The following PLPPR5 variants were observed in gnomAD, a reference collection of about 807,000 sequenced individuals.
The protein encoded by PLPPR5 is phospholipid phosphatase-related protein type 5.
Under a neutral mutation model 33.9 loss-of-function variants are expected in PLPPR5, and 16 were observed. The observed-to-expected ratio is 0.47, with a 90% confidence interval of 0.32 to 0.72. The LOEUF (loss-of-function observed/expected upper bound fraction) is 0.72. Among genes scored for constraint, PLPPR5 ranks in the 30% least tolerant of loss-of-function variants. PLPPR5 has a pLI of 0.03. For missense variants in PLPPR5, 301 were observed against 406.7 expected (o/e 0.74, Z 2.23); for synonymous variants, 163 against 150.3 (o/e 1.08, Z -0.62).
chr1:98,944,778 C>A (rs1570720854), intron 3 of PLPPR5, among the ~76,000 whole-genome samples: 1 of 152,132 alleles, frequency 6.6e-6, no homozygotes. Context: ...GTACCTGGGC[C>A]ATGGATCCAG....
intron 5 of PLPPR5, among the ~76,000 whole-genome samples, chr1:98,899,658 G>GTTT (rs397967481): frequency 3.9e-4 from 40 of 103,338 alleles, no homozygotes; most frequent in African/African-American, 5.3e-4. Context: ...TATTTCACTT[G>GTTT]TTTTTTTTTT....
rs559613498 is a variant in PLPPR5 at position 99,002,175 on chromosome 1, G to A, written c.237+2260C>T. Among the ~76,000 whole-genome samples, 20 of 152,184 alleles carry A rather than the reference G, an allele frequency of 1.3e-4. No individual in the cohort carries two copies. The South Asian group carries it at 2.3e-3, about 17-fold the overall frequency. ...GTGACAGAGTGCACTATTCCTAGAA[G>A]CAGAAGGGAAAACAAATGCCAGCAG... On this transcript the variant is annotated intron_variant, in intron 1 of 5. Transcript: ENST00000263177.
At chr1:98,991,663 T>C (rs184545431) in intron 1 of PLPPR5, among the ~76,000 whole-genome samples, 1 of 143,144 alleles carries the variant, frequency 7.0e-6, no homozygotes, top group Admixed American at 6.9e-5. Flanking sequence ...TTGTTCCAAA[T>C]AACTTCAAAA....
chr1:98,890,921 A>C lies in PLPPR5; in HGVS notation c.*2151T>G, dbSNP rs1331270398. 1 of 152,208 alleles carries C rather than the reference A, an allele frequency of 6.6e-6. No homozygotes were observed. Among genetic ancestry groups the C allele is most frequent in the Non-Finnish European group, 1.5e-5 (1 of 68,028 alleles). 9.4% of individuals were successfully genotyped at this position (152,208 alleles called of 1,614,324 possible). On this transcript the variant is annotated 3_prime_UTR_variant, in exon 6 of 6. Coordinates refer to ENST00000263177, the MANE Select transcript of PLPPR5 (RefSeq NM_001037317.2). ...CAGGTTTAGCAAGGTGCAAAGAAGC[A>C]ACCTTGACATAAGAATATATGGCTA...
At chr1:98,902,857 G>A (rs898610790) in intron 5 of PLPPR5, among the ~76,000 whole-genome samples, 38 of 152,248 alleles carry the variant, frequency 2.5e-4, no homozygotes, top group Middle Eastern at 3.4e-3. Flanking sequence ...TAAATCAGAT[G>A]AGAAAGCTTC....
chr1:98,927,461 C>T (rs1449612451), intron 3 of PLPPR5, among the ~76,000 whole-genome samples: 1 of 152,206 alleles, frequency 6.6e-6, no homozygotes, highest in Non-Finnish European at 1.5e-5. Flanking sequence ...TGACTTGGTC[C>T]ATCTAGGCTC....
intron 4 of PLPPR5, among the ~76,000 whole-genome samples, chr1:98,917,235 C>T (rs1196283092): frequency 6.6e-6 from 1 of 152,182 alleles, no homozygotes; most frequent in African/African-American, 2.4e-5. Context: ...TGACCAGTTA[C>T]TGAATCTGCT....
chr1:98,902,494 A>G (rs1179751457), intron 5 of PLPPR5, among the ~76,000 whole-genome samples: 2 of 152,302 alleles, frequency 1.3e-5, no homozygotes, highest in Middle Eastern at 3.4e-3. Context: ...AATCAAAACT[A>G]TGAAAAATAA....
intron 1 of PLPPR5, among the ~76,000 whole-genome samples, chr1:98,979,712 C>A (rs955432938): frequency 1.3e-5 from 2 of 152,180 alleles, no homozygotes; most frequent in African/African-American, 4.8e-5. Flanking sequence ...GTGGGGCTGC[C>A]AAGCTCTGCA....
chr1:98,895,137 G>A (rs1036835114), intron 5 of PLPPR5, among the ~76,000 whole-genome samples: 2 of 152,068 alleles, frequency 1.3e-5, no homozygotes, highest in Admixed American at 6.6e-5. Flanking sequence ...TAAGGCAACA[G>A]TGTTGATAGG....
intron 1 of PLPPR5, among the ~76,000 whole-genome samples, chr1:98,999,995 G>A (rs1157044592): frequency 6.6e-6 from 1 of 152,088 alleles, no homozygotes; most frequent in Non-Finnish European, 1.5e-5. Context: ...AATCATCTAT[G>A]TTGCTCAGAG....
chr1:99,004,381 G>A (rs1034478504), intron 1 of PLPPR5, 54 bp downstream of exon 1: 1 of 1,470,518 alleles, frequency 6.8e-7, no homozygotes, highest in Non-Finnish European at 9.2e-7. Flanking sequence ...CAACCCCGAA[G>A]GCGAGGGGCG....
Position 98,953,058 on chromosome 1 carries a change from A to T in PLPPR5, c.621+12T>A. The T allele has an allele frequency of 3.1e-6, 5 of 1,613,474 alleles. No homozygotes were observed. Among genetic ancestry groups the T allele is most frequent in the Non-Finnish European group, 4.2e-6 (5 of 1,179,592 alleles). On this transcript the variant is annotated intron_variant, in intron 3 of 5. Transcript: ENST00000263177. ...TACAGACTAAGACAACAAATTTATA[A>T]TCCTTACTTACGGTCAGATACATAG... is the stretch of plus-strand genomic sequence containing the variant.
intron 3 of PLPPR5, among the ~76,000 whole-genome samples, chr1:98,926,880 C>T (rs974692754): frequency 7.9e-5 from 12 of 152,268 alleles, no homozygotes; most frequent in Admixed American, 2.6e-4. Flanking sequence ...GTTAAGCCAA[C>T]CGTGTAATGT....
At chr1:99,001,671 G>GATATATATAAATATATATATATAT (rs1652851518) in intron 1 of PLPPR5, among the ~76,000 whole-genome samples, 1 of 102,196 alleles carries the variant, frequency 9.8e-6, no homozygotes, top group African/African-American at 3.9e-5. Flanking sequence ...GAAAGTTAAA[G>GATATATATAAATATATATATATAT]ATATATATAT....
Position 99,004,803 on chromosome 1 carries a change from G to C in PLPPR5, c.-132C>G. 1 of 426,018 alleles carries C rather than the reference G, an allele frequency of 2.3e-6. No individual in the cohort carries two copies. The allele number at this position is 426,018 out of a possible 1,614,324, so 26.4% of individuals were successfully genotyped here. A position where few individuals can be genotyped will look rare whatever the true frequency, so the allele number is the denominator to read the frequency against. On this transcript the variant is annotated 5_prime_UTR_variant, in exon 1 of 6. It adds an upstream start codon to the 5' untranslated region. Transcript: ENST00000263177. ...CGGGAGGACGAGGCACGGGAGGCGG[G>C]ATGGAGCCGCTGGAGGAAGAGGCGG...
chr1:98,904,261 C>CTTTTTTT (rs1050471002), intron 5 of PLPPR5, among the ~76,000 whole-genome samples: 1 of 117,356 alleles, frequency 8.5e-6, no homozygotes, highest in African/African-American at 3.1e-5. Flanking sequence ...ATTACTTTCC[C>CTTTTTTT]TTTTTTTTTT....
At chr1:98,922,906 A>G (rs1320777609) in intron 3 of PLPPR5, among the ~76,000 whole-genome samples, 1 of 152,014 alleles carries the variant, frequency 6.6e-6, no homozygotes, top group Non-Finnish European at 1.5e-5. Context: ...AATGGCATGA[A>G]CCCAGAAGGC....
At position 98,953,173 on chromosome 1, in the gene PLPPR5, C is replaced by G; in HGVS notation, c.518G>C (p.Gly173Ala). Residue 173 changes from glycine to alanine, a missense_variant, in exon 3 of 6, where the codon GGG becomes GCG. Gly to Ala is a moderately conservative substitution (Grantham distance 60). Coordinates refer to ENST00000263177, the MANE Select transcript of PLPPR5 (RefSeq NM_001037317.2). ...GCQQYTQFISGEEACTGNPDL... is the reference protein window; with the variant it reads ...GCQQYTQFISAEEACTGNPDL... ...TGGGTTGCCAGTACAGGCCTCTTCC[C>G]CACTGATGAATTGTGTATACTGCTG... 1 of 1,614,040 alleles carries G rather than the reference C, an allele frequency of 6.2e-7. No homozygotes were observed. Among genetic ancestry groups the G allele is most frequent in the Non-Finnish European group, 8.5e-7 (1 of 1,179,992 alleles).
Sources: gnomAD v4.1 joint callset for allele counts (sites outside exome capture counted in the v4.1 genomes callset) on GRCh38, gnomAD v4.1.1 for gene constraint, MANE v1.5 for transcripts, NCBI Gene and HGNC (gene_info 2026-07-23, HGNC 2026-07-21) for gene names.